KLHL26: variants seen among roughly 807,000 people sequenced by gnomAD.
KLHL26 encodes the protein kelch like family member 26, also known as kelch-like protein 26.
A neutral mutation model predicts 7.1 loss-of-function variants in KLHL26; 4 were observed. The observed-to-expected ratio is 0.56, with a 90% CI of 0.28 to 1.28. The LOEUF (loss-of-function observed/expected upper bound fraction) is 1.28, where lower values mean the gene tolerates loss of function less well. Ranked by LOEUF, KLHL26 falls within the 50% of genes most tolerant of loss-of-function variation. The probability of loss-of-function intolerance (pLI) is 0.11; values close to 1 mark genes in which losing one functional copy is unlikely to be tolerated. For missense variants in KLHL26, 896 were observed against 924.6 expected, an observed-to-expected ratio of 0.97 and a Z score of 0.40; for synonymous variants, 465 against 414.1, an observed-to-expected ratio of 1.12 and a Z score of -1.49.
Position 18,637,080 on chromosome 19 carries a change from G to T in KLHL26, c.26G>T (p.Gly9Val). MAESGGSS[G>V]GAGGGGAFGA... ...ATGGCGGAGTCCGGCGGTAGCAGCG[G>T]TGGTGCTGGTGGCGGCGGCGCTTTC... Residue 9 changes from glycine (G) to valine (V), a missense_variant, in exon 1 of 3, where the codon GGT becomes GTT. Physicochemically the swap from Gly to Val is moderately radical, Grantham distance 109 (BLOSUM62 -3). Coordinates refer to ENST00000300976, the MANE Select transcript of KLHL26 (RefSeq NM_018316.3). 1.4e-6 allele frequency: 2 copies of T among 1,388,036 alleles called. No individual in the cohort carries two copies. The highest frequency in any genetic ancestry group is 9.3e-7 in the Non-Finnish European group (1 of 1,069,664). 86.0% of individuals were successfully genotyped at this position (1,388,036 alleles called of 1,614,324 possible).
At position 18,637,098 on chromosome 19, in the gene KLHL26, G is replaced by GCGC; in HGVS notation, c.45_47dup (p.Ala16dup). On this transcript the variant is annotated inframe_insertion, in exon 1 of 3. Transcript: ENST00000300976. ...AGCAGCGGTGGTGCTGGTGGCGGCG[G>GCGC]CGCTTTCGGCGCGGGCCCGGGCCCC... 7.2e-7 allele frequency: 1 copy of GCGC among 1,381,242 alleles called. No individual in the cohort carries two copies. The highest frequency in any genetic ancestry group is 9.4e-7 in the Non-Finnish European group (1 of 1,067,308). 85.6% of individuals were successfully genotyped at this position (1,381,242 alleles called of 1,614,324 possible).
At chr19:18,653,314 C>T (rs916274320) in intron 1 of KLHL26, among the ~76,000 whole-genome samples, 1 of 151,624 alleles carries the variant, frequency 6.6e-6, no homozygotes, top group Non-Finnish European at 1.5e-5. Context: ...ACACCTATGT[C>T]CACCAGTTCA....
intron 2 of KLHL26, chr19:18,667,287 G>A (rs2052457911): frequency 1.0e-5 from 3 of 296,358 alleles, no homozygotes; most frequent in Admixed American, 4.7e-5. Context: ...CACCCACCTC[G>A]GCCTCCCAAA....
At chr19:18,638,334 G>A (rs749841997) in intron 1 of KLHL26, among the ~76,000 whole-genome samples, 4 of 152,236 alleles carry the variant, frequency 2.6e-5, no homozygotes, top group Non-Finnish European at 4.4e-5. Context: ...GTGGGGAAGG[G>A]AGGAGGGATG....
In KLHL26 at chr19:18,668,856, C is replaced by T. The variant is rs766349442; in HGVS notation, c.1459C>T (p.Gln487Ter). The change falls in exon 3 of 3, where the codon CAG becomes TAG. Residue 487 changes from glutamine (Q) to a stop codon, truncating the protein, a stop_gained. Coordinates refer to ENST00000300976, the MANE Select transcript of KLHL26 (RefSeq NM_018316.3). LOFTEE classifies it low-confidence loss of function (END_TRUNC). ...ALHCYDPVADQWEFKAPMSEP... is the reference protein window; with the variant it reads ...ALHCYDPVAD Reference sequence around the variant, plus strand: ...GCACTGCTACGACCCCGTGGCCGACCAGTGGGAGTTCAAGGCGCCCATGAG... The same window carrying T: ...GCACTGCTACGACCCCGTGGCCGACTAGTGGGAGTTCAAGGCGCCCATGAG... The T allele has an allele frequency of 1.9e-6, 3 of 1,592,880 alleles. No homozygotes were observed. The highest frequency in any genetic ancestry group is 1.1e-5 in the South Asian group (1 of 90,448).
At chr19:18,653,078 A>G (rs1327443945) in intron 1 of KLHL26, among the ~76,000 whole-genome samples, 1 of 152,018 alleles carries the variant, frequency 6.6e-6, no homozygotes, top group African/African-American at 2.4e-5. Context: ...GATCATCACC[A>G]TGATGCAGAT....
chr19:18,656,719 G>A lies in KLHL26; in HGVS notation c.84-7542G>A, dbSNP rs2145395511. ...CAGTAGCGCGGGGCTCTTGGAGGAGGCTTGAGGGTGGGTGGGTGGGGAGGC... is the reference window on the plus strand; with the variant it reads ...CAGTAGCGCGGGGCTCTTGGAGGAGACTTGAGGGTGGGTGGGTGGGGAGGC... On this transcript the variant is annotated intron_variant, in intron 1 of 2. Coordinates refer to ENST00000300976, the MANE Select transcript of KLHL26 (RefSeq NM_018316.3). The surrounding 1 kb of genome is among the most constrained non-coding windows in gnomAD (Gnocchi z 4.4). 7.8e-6 allele frequency among the ~76,000 whole-genome samples: 1 copy of A among 127,794 alleles called. No homozygotes were observed. Among genetic ancestry groups the A allele is most frequent in the South Asian group, 3.2e-4 (1 of 3,174 alleles). 83.8% of individuals were successfully genotyped at this position (127,794 alleles called of 152,430 possible).
rs773368712 is a variant in KLHL26, at chr19:18,667,703, C to T, written c.306C>T (p.Asp102=). ...GCGGCATGCGGGAGGCAAGCCAGGA[C>T]GTCATCGAGCTGAAGGGCGTGTCGG... The part of the protein sequence containing the change: ...FTGGMREASQ[D]VIELKGVSAR... The change falls in exon 3 of 3, where the codon GAC becomes GAT. Residue 102 remains aspartate, a synonymous_variant. Transcript: ENST00000300976. The T allele has an allele frequency of 1.2e-6, 2 of 1,612,920 alleles. No individual in the cohort carries two copies. The highest frequency in any genetic ancestry group is 2.2e-5 in the East Asian group (1 of 44,882).
chr19:18,666,995 A>G (rs967640827), intron 2 of KLHL26, among the ~76,000 whole-genome samples: 8 of 152,182 alleles, frequency 5.3e-5, no homozygotes, highest in Non-Finnish European at 8.8e-5. Context: ...CCCGACAGGC[A>G]CATTGTGGGT....
chr19:18,641,881 C>A (rs527924577), intron 1 of KLHL26, among the ~76,000 whole-genome samples: 94 of 152,042 alleles, frequency 6.2e-4, no homozygotes, highest in Middle Eastern at 3.4e-3. Context: ...CCCGCCTCAG[C>A]CTCCCAAAGT....
At chr19:18,644,919 C>T (rs1395199346) in intron 1 of KLHL26, among the ~76,000 whole-genome samples, 4 of 152,138 alleles carry the variant, frequency 2.6e-5, no homozygotes, top group Non-Finnish European at 5.9e-5. Flanking sequence ...GGACTGCGCT[C>T]CCCCACCCCC....
intron 1 of KLHL26, 122 bp from the exon 2 acceptor site, chr19:18,664,139 G>C (rs576841340): frequency 1.0e-5 from 8 of 800,070 alleles, no homozygotes; most frequent in Middle Eastern, 4.0e-4. Flanking sequence ...GGCATTTCAC[G>C]TCAGTGGAGT....
At position 18,656,179 on chromosome 19, in the gene KLHL26, G is replaced by A. The variant is rs78233791; in HGVS notation, c.84-8082G>A. Among the ~76,000 whole-genome samples the A allele has an allele frequency of 0.061, 9,255 of 152,248 alleles. 352 individuals are homozygous for A. Among genetic ancestry groups the A allele is most frequent in the Non-Finnish European group, 0.084 (5,744 of 67,992 alleles). On this transcript the variant is annotated intron_variant, in intron 1 of 2. Coordinates refer to ENST00000300976, the MANE Select transcript of KLHL26 (RefSeq NM_018316.3). The surrounding 1 kb of genome is among the most constrained non-coding windows in gnomAD (Gnocchi z 4.4). ...GCCCTGGCTTCATGGTGGGGTTGGT[G>A]GGGGACCTGCAGGATGGGGGTGGAC...
rs1022362425 is a variant in KLHL26, at chr19:18,669,495, C to T, written c.*250C>T. 6.8e-5 allele frequency: 39 copies of T among 572,136 alleles called. No individual in the cohort carries two copies. Among genetic ancestry groups the T allele is most frequent in the South Asian group, 9.0e-5 (4 of 44,302 alleles). The allele number at this position is 572,136 out of a possible 1,614,324, so 35.4% of individuals were successfully genotyped here. A position where few individuals can be genotyped will look rare whatever the true frequency, so the allele number is the denominator to read the frequency against. ...CATGTGGTGGCAGCAAATTCGTCCC[C>T]GGGGTGGTTTCCTCGCCTGGCCCCC... On this transcript the variant is annotated 3_prime_UTR_variant, in exon 3 of 3. Coordinates refer to ENST00000300976, the MANE Select transcript of KLHL26 (RefSeq NM_018316.3).
chr19:18,667,565 CTG>C (rs770262067), intron 2 of KLHL26, 97 bp from the exon 3 acceptor site: 3 of 1,512,946 alleles, frequency 2.0e-6, no homozygotes, highest in African/African-American at 2.8e-5. Flanking sequence ...GCCCTGTGTT[CTG>C]TGTCCCCAGG....
chr19:18,667,219 A>G (rs1311445189), intron 2 of KLHL26, among the ~76,000 whole-genome samples: 5 of 151,932 alleles, frequency 3.3e-5, no homozygotes, highest in Admixed American at 1.3e-4. Context: ...GCAGTGCAGC[A>G]TGATCTCGGC....
Position 18,666,503 on chromosome 19 carries a change from C to G in KLHL26, c.267-1161C>G, listed in dbSNP as rs1213667263. ...CTTCTGCTGGGGAACACCCTAAACG[C>G]TGTAGGGGAACTGTGACCTAGAACC... On this transcript the variant is annotated intron_variant, in intron 2 of 2. Coordinates refer to ENST00000300976, the MANE Select transcript of KLHL26 (RefSeq NM_018316.3). Among the ~76,000 whole-genome samples, 3 of 152,174 alleles carry G rather than the reference C, an allele frequency of 2.0e-5. No homozygotes were observed. The East Asian group carries it at 5.8e-4, about 29-fold the overall frequency.
At chr19:18,644,024 C>T (rs1313945358) in intron 1 of KLHL26, among the ~76,000 whole-genome samples, 2 of 152,210 alleles carry the variant, frequency 1.3e-5, no homozygotes, top group Non-Finnish European at 2.9e-5. Context: ...AGTTCCAAAA[C>T]ATCTTTGTCC....
intron 2 of KLHL26, chr19:18,667,282 A>C (rs2052457835): frequency 3.4e-6 from 1 of 296,968 alleles, no homozygotes; most frequent in South Asian, 3.3e-5. Context: ...TGATCCACCC[A>C]CCTCGGCCTC....
Sources: allele counts gnomAD v4.1 joint callset (sites outside exome capture counted in the v4.1 genomes callset), GRCh38; gene constraint gnomAD v4.1.1; non-coding constraint Gnocchi (gnomAD v3.1); transcripts MANE v1.5; gene names NCBI Gene and HGNC (gene_info 2026-07-23, HGNC 2026-07-21).